Variants in CTIF observed in about 807,000 individuals in gnomAD.
CTIF encodes the protein CBP80/20-dependent translation initiation factor.
In CTIF, 21 loss-of-function variants were observed where a neutral mutation model predicts 66.0. The observed-to-expected ratio is 0.32, with a 90% CI of 0.23 to 0.46. The LOEUF is 0.46. CTIF is among the 20% of genes least tolerant of loss of function. The pLI is 1.00. For missense variants in CTIF, 739 were observed against 812.7 expected, an observed-to-expected ratio of 0.91 and a Z score of 1.10; for synonymous variants, 345 against 326.4, an observed-to-expected ratio of 1.06 and a Z score of -0.62.
intron 9 of CTIF, among the ~76,000 whole-genome samples, chr18:48,799,206 G>A (rs2067997682): frequency 6.6e-6 from 1 of 152,184 alleles, no homozygotes; most frequent in African/African-American, 2.4e-5. Context: ...AAACCATGCA[G>A]TTTTGTAGAA....
Position 48,758,052 on chromosome 18 carries a change from A to C in CTIF, c.718A>C (p.Thr240Pro), listed in dbSNP as rs1598987351. The C allele has an allele frequency of 6.2e-7, 1 of 1,613,966 alleles. No homozygotes were observed. Among genetic ancestry groups the C allele is most frequent in the Non-Finnish European group, 8.5e-7 (1 of 1,179,958 alleles). Residue 240 changes from threonine to proline, a missense_variant, in exon 8 of 12, where the codon ACT becomes CCT. By Grantham distance (38) the Thr-to-Pro change is conservative. Coordinates refer to ENST00000256413, the MANE Select transcript of CTIF (RefSeq NM_014772.3). Reference protein sequence around the residue: ...GSAPHPSGRPTHHGYSQNRRW... With the variant: ...GSAPHPSGRPPHHGYSQNRRW... Reference sequence around the variant, plus strand: ...AGCACCCCACCCCTCAGGGAGGCCCACTCACCATGGCTACAGCCAGAACCG... The same window carrying C: ...AGCACCCCACCCCTCAGGGAGGCCCCCTCACCATGGCTACAGCCAGAACCG...
chr18:48,583,733 C>T (rs1406796323), intron 1 of CTIF, among the ~76,000 whole-genome samples: 1 of 152,142 alleles, frequency 6.6e-6, no homozygotes, highest in Non-Finnish European at 1.5e-5. Context: ...GGCAGTCGAC[C>T]AGTGGGAAGT....
At chr18:48,722,531 C>G (rs1431041060) in intron 7 of CTIF, among the ~76,000 whole-genome samples, 2 of 152,140 alleles carry the variant, frequency 1.3e-5, no homozygotes, top group African/African-American at 4.8e-5. Context: ...TCTCTGTCCT[C>G]TTGAGATCGT....
chr18:48,721,433 C>A (rs1242542403), intron 7 of CTIF, among the ~76,000 whole-genome samples: 4 of 152,208 alleles, frequency 2.6e-5, no homozygotes, highest in Non-Finnish European at 5.9e-5. Context: ...GATTGGCTCA[C>A]AAACACTAAC....
At position 48,622,529 on chromosome 18, in the gene CTIF, T is replaced by A. The variant is rs559380937; in HGVS notation, c.180+2784T>A. ...GTCCTTGAGGAATGTGGGAGCAAGGTGGTGGCTGGGTGGCCTGGCGGTCTA... is the reference window on the plus strand; with the variant it reads ...GTCCTTGAGGAATGTGGGAGCAAGGAGGTGGCTGGGTGGCCTGGCGGTCTA... On this transcript the variant is annotated intron_variant, in intron 2 of 11. Coordinates refer to ENST00000256413, the MANE Select transcript of CTIF (RefSeq NM_014772.3). Among the ~76,000 whole-genome samples, 8 of 152,018 alleles carry A rather than the reference T, an allele frequency of 5.3e-5. 2 individuals are homozygous for A. Among genetic ancestry groups the A allele is most frequent in the African/African-American group, 1.9e-4 (8 of 41,458 alleles).
intron 9 of CTIF, among the ~76,000 whole-genome samples, chr18:48,809,583 G>A (rs575846928): frequency 1.3e-4 from 20 of 152,158 alleles, no homozygotes; most frequent in Middle Eastern, 3.4e-3. Context: ...GTTGGAAAGC[G>A]TCTCTTTTTC....
intron 3 of CTIF, among the ~76,000 whole-genome samples, chr18:48,647,811 C>T (rs577935857): frequency 1.3e-5 from 2 of 152,230 alleles, no homozygotes; most frequent in South Asian, 4.1e-4. Flanking sequence ...CCTAGGTCAC[C>T]CCCCAGACCA....
At chr18:48,797,508 G>C (rs888753545) in intron 9 of CTIF, among the ~76,000 whole-genome samples, 1 of 148,644 alleles carries the variant, frequency 6.7e-6, no homozygotes, top group Admixed American at 6.9e-5. Context: ...GGGGGGGCAA[G>C]TTTCTGAGTT....
chr18:48,781,090 G>C (rs1002252164), intron 9 of CTIF, among the ~76,000 whole-genome samples: 1 of 152,158 alleles, frequency 6.6e-6, no homozygotes, highest in Non-Finnish European at 1.5e-5. Flanking sequence ...TTGTTGTCAG[G>C]CTCCCAAATG....
chr18:48,757,946 C>A lies in CTIF; in HGVS notation c.612C>A (p.Asn204Lys). The change falls in exon 8 of 12, where the codon AAC becomes AAA. Residue 204 changes from asparagine to lysine, a missense_variant. Around this residue, in one of 2 missense-constraint regions of CTIF, gnomAD observed 529 missense variants for 520.3 expected, o/e 1.02. Transcript: ENST00000256413. ...GGCAGCAGAGACCTCCGGGGGGCAACAAGCCCCAACAGCATGGTGACCACC... is the reference window on the plus strand; with the variant it reads ...GGCAGCAGAGACCTCCGGGGGGCAAAAAGCCCCAACAGCATGGTGACCACC... ...RRRQQRPPGG[N>K]KPQQHGDHQP... The A allele has an allele frequency of 6.2e-7, 1 of 1,613,190 alleles. No individual in the cohort carries two copies. The highest frequency in any genetic ancestry group is 8.5e-7 in the Non-Finnish European group (1 of 1,179,458).
chr18:48,752,475 G>C (rs1907925303), intron 7 of CTIF, among the ~76,000 whole-genome samples: 1 of 152,232 alleles, frequency 6.6e-6, no homozygotes, highest in Non-Finnish European at 1.5e-5. Context: ...CATATGGCGT[G>C]TTACAGCAAA....
intron 6 of CTIF, among the ~76,000 whole-genome samples, chr18:48,677,076 G>A (rs998780995): frequency 6.6e-6 from 1 of 152,178 alleles, no homozygotes; most frequent in Non-Finnish European, 1.5e-5. Flanking sequence ...ACCTCCAGAT[G>A]AGAAGGAGTA....
chr18:48,793,267 A>T (rs1256372725), intron 9 of CTIF, among the ~76,000 whole-genome samples: 1 of 152,212 alleles, frequency 6.6e-6, no homozygotes, highest in Non-Finnish European at 1.5e-5. Flanking sequence ...AGGGAGGGGC[A>T]GGCTGCAACC....
chr18:48,733,059 T>C (rs1263089023), intron 7 of CTIF, among the ~76,000 whole-genome samples: 1 of 152,178 alleles, frequency 6.6e-6, no homozygotes, highest in Non-Finnish European at 1.5e-5. Flanking sequence ...GGGGGCCTGG[T>C]TGCCTGGACT....
Position 48,682,795 on chromosome 18 carries a change from C to T in CTIF, c.507+12051C>T, listed in dbSNP as rs139655738. Reference sequence around the variant, plus strand: ...TCACTGGTCATGCCTCAGAGGACCCCTGGGTCCCGACAGCCCTGGGCGGGC... The same window carrying T: ...TCACTGGTCATGCCTCAGAGGACCCTTGGGTCCCGACAGCCCTGGGCGGGC... On this transcript the variant is annotated intron_variant, in intron 6 of 11. Transcript: ENST00000256413. Among the ~76,000 whole-genome samples the T allele has an allele frequency of 6.8e-3, 1,039 of 152,380 alleles. 6 individuals carry two copies. The highest frequency in any genetic ancestry group is 0.011 in the Non-Finnish European group (728 of 68,038).
intron 2 of CTIF, among the ~76,000 whole-genome samples, chr18:48,624,403 C>T (rs1347176849): frequency 6.6e-6 from 1 of 152,202 alleles, no homozygotes; most frequent in Non-Finnish European, 1.5e-5. Context: ...CTGCTCCGTA[C>T]AGGCCATGAC....
At position 48,654,768 on chromosome 18, in the gene CTIF, T is replaced by C. The variant is rs150980751; in HGVS notation, c.253-8984T>C. On this transcript the variant is annotated intron_variant, in intron 3 of 11. Coordinates refer to ENST00000256413, the MANE Select transcript of CTIF (RefSeq NM_014772.3). ...GACTGGATTAAGAAAATGTGGCACA[T>C]GTATACCATGGAATACTATGCAACC... Among the ~76,000 whole-genome samples the C allele has an allele frequency of 4.3e-3, 659 of 152,310 alleles. 5 individuals are homozygous for C. Among genetic ancestry groups the C allele is most frequent in the African/African-American group, 0.015 (636 of 41,566 alleles).
chr18:48,557,788 T>C (rs1442755619), intron 1 of CTIF, among the ~76,000 whole-genome samples: 3 of 152,262 alleles, frequency 2.0e-5, no homozygotes, highest in Non-Finnish European at 4.4e-5. Context: ...TGCAGACAGC[T>C]GCCCTCTTGC....
At chr18:48,780,065 G>A (rs192969845) in intron 9 of CTIF, among the ~76,000 whole-genome samples, 121 of 152,198 alleles carry the variant, frequency 8.0e-4, no homozygotes, top group African/African-American at 2.7e-3. Flanking sequence ...GTGTACCTCC[G>A]TTGCCTGTCT....
Sources: allele counts gnomAD v4.1 joint callset (sites outside exome capture counted in the v4.1 genomes callset), GRCh38; gene constraint gnomAD v4.1.1; regional missense constraint gnomAD v4.1.1; transcripts MANE v1.5; gene names NCBI Gene and HGNC (gene_info 2026-07-23, HGNC 2026-07-21).